The following EP400 variants were observed in gnomAD, a reference collection of about 807,000 sequenced individuals.
The protein encoded by EP400 is E1A binding protein p400.
In EP400, 105 loss-of-function variants were observed where a neutral mutation model predicts 354.1. The observed-to-expected ratio is 0.30, with a 90% CI of 0.25 to 0.35. EP400 has a LOEUF of 0.35. Among genes scored for constraint, EP400 ranks in the 10% least tolerant of loss-of-function variants. EP400 has a pLI of 1.00. For synonymous variants in EP400, 1,646 were observed against 1,716.9 expected (o/e 0.96, Z 1.02); for missense variants, 3,280 against 4,121.0 (o/e 0.80, Z 5.59).
chr12:131,982,934 C>T (rs1357007796), intron 5 of EP400, among the ~76,000 whole-genome samples: 2 of 150,124 alleles, frequency 1.3e-5, no homozygotes, highest in Non-Finnish European at 3.0e-5. Context: ...CACACCATTG[C>T]ACTCCAGCCT....
chr12:132,024,315 G>GTGAGCCC (rs1332651342), intron 24 of EP400, among the ~76,000 whole-genome samples: 3 of 152,316 alleles, frequency 2.0e-5, no homozygotes, highest in East Asian at 3.9e-4. Context: ...TGAAACTGCA[G>GTGAGCCC]TGAGCCGAGA....
chr12:131,969,467 T>C (rs1158242868), intron 2 of EP400, among the ~76,000 whole-genome samples: 2 of 152,112 alleles, frequency 1.3e-5, no homozygotes, highest in African/African-American at 4.8e-5. Flanking sequence ...CCAGCCCCCC[T>C]CCTGGTGGTT....
At chr12:132,065,175 T>C (rs1895849675) in intron 48 of EP400, 1 of 538,096 alleles carries the variant, frequency 1.9e-6, no homozygotes, top group Admixed American at 3.2e-5. Flanking sequence ...GGCTTCCCTG[T>C]GCTGCTGAGG....
At chr12:132,031,908 A>G in intron 29 of EP400, 45 bp from the exon 30 acceptor site, 1 of 1,554,650 alleles carries the variant, frequency 6.4e-7, no homozygotes. Context: ...AAGGTTTCCC[A>G]ACATTTTCCA....
rs756242454 is a variant in EP400, at chr12:132,033,542, C to CTT, written c.5951+1407_5951+1408dup. ...CTAAAACCCAAGTGTGCTTTAACCT[C>CTT]TTTTTTTTTTTTTTTGAGACGGTCT... is the stretch of plus-strand genomic sequence containing the variant. On this transcript the variant is annotated intron_variant, in intron 30 of 52. Coordinates refer to ENST00000389561, the MANE Select transcript of EP400 (RefSeq NM_015409.5). 7.1e-5 allele frequency among the ~76,000 whole-genome samples: 10 copies of CTT among 139,870 alleles called. 1 individual carries two copies. The South Asian group carries it at 1.6e-3, about 23-fold the overall frequency. The allele number at this position is 139,870 out of a possible 152,430, so 91.8% of individuals were successfully genotyped here. A position where few individuals can be genotyped will look rare whatever the true frequency, so the allele number is the denominator to read the frequency against.
At chr12:131,954,570 C>T (rs1249075060) in intron 1 of EP400, among the ~76,000 whole-genome samples, 1 of 151,674 alleles carries the variant, frequency 6.6e-6, no homozygotes, top group Non-Finnish European at 1.5e-5. Flanking sequence ...ATTAAAAATA[C>T]AAAAATTGGC....
intron 2 of EP400, among the ~76,000 whole-genome samples, chr12:131,979,172 A>G (rs1892590982): frequency 6.6e-6 from 1 of 151,748 alleles, no homozygotes; most frequent in Non-Finnish European, 1.5e-5. Flanking sequence ...AGATCCCGCC[A>G]CTACACTCCA....
chr12:131,958,972 G>T (rs1433922894), intron 1 of EP400, among the ~76,000 whole-genome samples: 2 of 152,240 alleles, frequency 1.3e-5, no homozygotes, highest in Non-Finnish European at 2.9e-5. Context: ...AGCCAGGGTT[G>T]AGGTGAAGGC....
chr12:131,950,928 C>G (rs1302162496), intron 1 of EP400, among the ~76,000 whole-genome samples: 2 of 151,782 alleles, frequency 1.3e-5, no homozygotes, highest in South Asian at 2.1e-4. Context: ...GAGAAAGAGT[C>G]TCTCTCTGTC....
intron 51 of EP400, among the ~76,000 whole-genome samples, chr12:132,073,309 C>T (rs1406884182): frequency 1.3e-5 from 2 of 150,368 alleles, no homozygotes; most frequent in Admixed American, 1.3e-4. Context: ...AGTGGTTACC[C>T]TAAAATCTCC....
At position 132,017,570 on chromosome 12, in the gene EP400, A is replaced by G. The variant is rs894899847; in HGVS notation, c.3959A>G (p.Asn1320Ser). The change falls in exon 20 of 53, where the codon AAC becomes AGC. Residue 1320 changes from asparagine to serine, a missense_variant. By Grantham distance (46) the Asn-to-Ser change is conservative (BLOSUM62 1). Transcript: ENST00000389561. This position sits in a 1 kb window ranked among gnomAD's most constrained non-coding sequence, Gnocchi z 5.0. ...GCCTTGAAGAGCGGGCACTTTGTCA[A>G]CGTCCTGAGCATCCTTGTGCGGCTG... The part of the protein sequence containing the change: ...QEALKSGHFV[N>S]VLSILVRLQR... The G allele has an allele frequency of 3.1e-6, 5 of 1,613,892 alleles. No homozygotes were observed. The African/African-American group carries it at 6.7e-5, about 22-fold the overall frequency.
rs780353380 is a variant in EP400, at chr12:132,053,127, C to A, written c.7395-19C>A. ...TAAAACTTGCCTGTATGTTTTTAAC[C>A]TTTGCGTCTGTCTTTCAGTGGAATC... On this transcript the variant is annotated intron_variant, in intron 41 of 52. Transcript: ENST00000389561. The A allele has an allele frequency of 1.2e-6, 2 of 1,613,890 alleles. No individual in the cohort carries two copies. Among genetic ancestry groups the A allele is most frequent in the Non-Finnish European group, 1.7e-6 (2 of 1,179,882 alleles).
At chr12:132,065,765 A>C (rs1895870856) in intron 48 of EP400, 1 of 152,256 alleles carries the variant, frequency 6.6e-6, no homozygotes, top group Non-Finnish European at 1.5e-5. Context: ...AAACTACAGA[A>C]GGGTGCTTGG....
At chr12:132,012,774 T>C (rs1432865677) in intron 16 of EP400, among the ~76,000 whole-genome samples, 1 of 152,216 alleles carries the variant, frequency 6.6e-6, no homozygotes, top group Non-Finnish European at 1.5e-5. Flanking sequence ...TGTCAGCGCC[T>C]GCAAAATAGC....
In EP400 at chr12:132,078,183, C is replaced by T. The variant is rs1250443055; in HGVS notation, c.*510C>T. Reference sequence around the variant, plus strand: ...GAAGGCCTGTCTAAAGTCAATCATCCGAGATGGGTTTTCCATTCCAAAGAA... The same window carrying T: ...GAAGGCCTGTCTAAAGTCAATCATCTGAGATGGGTTTTCCATTCCAAAGAA... On this transcript the variant is annotated 3_prime_UTR_variant, in exon 53 of 53. Transcript: ENST00000389561. The T allele has an allele frequency of 1.3e-5, 2 of 154,144 alleles. No homozygotes were observed. The highest frequency in any genetic ancestry group is 2.9e-5 in the Non-Finnish European group (2 of 69,368). 9.5% of individuals were successfully genotyped at this position (154,144 alleles called of 1,614,324 possible).
chr12:131,991,370 G>C lies in EP400; in HGVS notation c.2630-37G>C, dbSNP rs911210783. ...CAGAGACGCCCTCGCCAAGCATGGG[G>C]GGCCTTGGGAACGAACTGTGCTCCT... On this transcript the variant is annotated intron_variant, in intron 9 of 52. Transcript: ENST00000389561. 3 of 1,611,338 alleles carry C rather than the reference G, an allele frequency of 1.9e-6. No homozygotes were observed. The East Asian group carries it at 6.7e-5, about 36-fold the overall frequency.
chr12:132,010,272 A>G (rs1893723716), intron 15 of EP400, among the ~76,000 whole-genome samples: 2 of 152,078 alleles, frequency 1.3e-5, no homozygotes, highest in Admixed American at 6.5e-5. Context: ...TTTTTAGTAG[A>G]GACAGGGTTT....
At chr12:132,036,540 C>G (rs1047362460) in intron 30 of EP400, among the ~76,000 whole-genome samples, 1 of 152,262 alleles carries the variant, frequency 6.6e-6, no homozygotes, top group Non-Finnish European at 1.5e-5. Flanking sequence ...AGGCCACCCT[C>G]CCTGAAGCAG....
Position 132,011,559 on chromosome 12 carries a change from A to G in EP400, c.3366A>G (p.Glu1122=). ...RSCNILKWEL[E]LKRWCPGLKI... ...GTAACATACTCAAGTGGGAGCTTGAATTGAAACGTTGGTGTCCCGGACTCA... is the reference window on the plus strand; with the variant it reads ...GTAACATACTCAAGTGGGAGCTTGAGTTGAAACGTTGGTGTCCCGGACTCA... Residue 1122 remains glutamate (E), a synonymous_variant, in exon 16 of 53, where the codon GAA becomes GAG. Coordinates refer to ENST00000389561, the MANE Select transcript of EP400 (RefSeq NM_015409.5). 1 of 1,614,208 alleles carries G rather than the reference A, an allele frequency of 6.2e-7. No homozygotes were observed. Among genetic ancestry groups the G allele is most frequent in the Non-Finnish European group, 8.5e-7 (1 of 1,180,042 alleles).
Sources: allele counts gnomAD v4.1 joint callset (sites outside exome capture counted in the v4.1 genomes callset), GRCh38; gene constraint gnomAD v4.1.1; non-coding constraint Gnocchi (gnomAD v3.1); transcripts MANE v1.5; gene names NCBI Gene and HGNC (gene_info 2026-07-23, HGNC 2026-07-21).